C4BPA: variants seen among roughly 807,000 people sequenced by gnomAD.
C4BPA encodes the protein C4b-binding protein alpha chain.
C4BPA carries 31 observed loss-of-function variants against 63.7 expected under a neutral mutation model. That is an observed-to-expected ratio of 0.49 (90% confidence interval 0.37 to 0.66). The LOEUF (loss-of-function observed/expected upper bound fraction) is 0.66. Among genes scored for constraint, C4BPA ranks in the 30% least tolerant of loss-of-function variants. The pLI is 0.00. For synonymous variants in C4BPA, 259 were observed against 254.7 expected, an observed-to-expected ratio of 1.02 and a Z score of -0.16; for missense variants, 572 against 723.3, an observed-to-expected ratio of 0.79 and a Z score of 2.40.
intron 9 of C4BPA, among the ~76,000 whole-genome samples, chr1:207,134,932 G>A (rs1370023108): frequency 1.3e-5 from 2 of 152,164 alleles, no homozygotes; most frequent in Non-Finnish European, 1.5e-5. Context: ...TATTGAATCT[G>A]CCTTTCTGAA....
rs151275267 is a variant in C4BPA, at chr1:207,115,909, G to A, written c.428+394G>A. ...CTGCATAGAATGTTGTTGTGTAGTT[G>A]TGTCATGGCTTTGCCGTCCTTGTGA... On this transcript the variant is annotated intron_variant, in intron 4 of 11. Transcript: ENST00000367070. Among the ~76,000 whole-genome samples, 696 of 152,288 alleles carry A rather than the reference G, an allele frequency of 4.6e-3. 1 individual carries two copies. The highest frequency in any genetic ancestry group is 6.3e-3 in the Non-Finnish European group (426 of 68,016).
intron 6 of C4BPA, among the ~76,000 whole-genome samples, chr1:207,126,344 TAGA>T (rs1685044007): frequency 6.8e-6 from 1 of 148,010 alleles, no homozygotes; most frequent in Non-Finnish European, 1.5e-5. Flanking sequence ...GACTATATTA[TAGA>T]ATATATAAAA....
In C4BPA at chr1:207,114,266, G is replaced by A. The variant is rs1405510160; in HGVS notation, c.309G>A (p.Val103=). The change falls in exon 3 of 12, where the codon GTG becomes GTA. Residue 103 remains valine (V), a synonymous_variant. Transcript: ENST00000367070. The part of the protein sequence containing the change: ...TLTCNSDGEW[V]YNTFCIYKRC... ...CCTGTAATTCTGATGGCGAATGGGT[G>A]TATAACACCTTCTGTATCTGTAAGT... 4 of 1,611,290 alleles carry A rather than the reference G, an allele frequency of 2.5e-6. No individual in the cohort carries two copies. The highest frequency in any genetic ancestry group is 1.1e-5 in the South Asian group (1 of 90,874).
intron 9 of C4BPA, among the ~76,000 whole-genome samples, chr1:207,134,952 T>C (rs1300292801): frequency 6.6e-6 from 1 of 152,224 alleles, no homozygotes. Flanking sequence ...ACTTGTTTCC[T>C]TCTTCTTCCT....
In C4BPA at chr1:207,124,163, C is replaced by T. The variant is rs780712968; in HGVS notation, c.515-12C>T. Reference sequence around the variant, plus strand: ...CGCTGAGTATTTCTTTCTCTTCACTCACTTACCTCAGTTGTCAAGTGTAAG... The same window carrying T: ...CGCTGAGTATTTCTTTCTCTTCACTTACTTACCTCAGTTGTCAAGTGTAAG... On this transcript the variant is annotated splice_polypyrimidine_tract_variant and intron_variant, in intron 5 of 11. Transcript: ENST00000367070. 9 of 1,609,510 alleles carry T rather than the reference C, an allele frequency of 5.6e-6. No individual in the cohort carries two copies. In the South Asian group the frequency reaches 7.7e-5, roughly 14 times the overall value.
At position 207,114,128 on chromosome 1, in the gene C4BPA, A is replaced by T. The variant is rs1287023743; in HGVS notation, c.171A>T (p.Ser57=). 6.2e-7 allele frequency: 1 copy of T among 1,613,036 alleles called. No homozygotes were observed. The highest frequency in any genetic ancestry group is 8.5e-7 in the Non-Finnish European group (1 of 1,179,482). The part of the protein sequence containing the change: ...LGNCGPPPTL[S]FAAPMDITLT... ...ATTGTGGTCCTCCACCCACTTTATC[A>T]TTTGCTGCCCCGATGGATATTACGT... The change falls in exon 3 of 12, where the codon TCA becomes TCT. Residue 57 remains serine (S), a synonymous_variant. Transcript: ENST00000367070.
chr1:207,143,822 G>T lies in C4BPA; in HGVS notation c.1449G>T (p.Leu483=), dbSNP rs1269790772. 9 of 1,610,610 alleles carry T rather than the reference G, an allele frequency of 5.6e-6. No homozygotes were observed. Among genetic ancestry groups the T allele is most frequent in the Admixed American group, 1.7e-5 (1 of 59,974 alleles). Residue 483 remains leucine, a synonymous_variant, in exon 11 of 12, where the codon CTG becomes CTT. Coordinates refer to ENST00000367070, the MANE Select transcript of C4BPA (RefSeq NM_000715.4). ...WSAPAPQCKA[L]CRKPELVNGR... is the part of the protein sequence containing the mutation. Reference sequence around the variant, plus strand: ...AAAAATATGTTTCCATTACAGCTCTGTGTCGGAAACCAGAATTAGTGAATG... The same window carrying T: ...AAAAATATGTTTCCATTACAGCTCTTTGTCGGAAACCAGAATTAGTGAATG...
chr1:207,142,143 C>G (rs1360304513), intron 10 of C4BPA, among the ~76,000 whole-genome samples: 1,083 of 104,908 alleles, frequency 0.01, no homozygotes, highest in African/African-American at 0.011. Flanking sequence ...TTGTTCAACT[C>G]CCACTTATGA....
chr1:207,107,609 T>C (rs1218387341), intron 1 of C4BPA, among the ~76,000 whole-genome samples: 1 of 152,086 alleles, frequency 6.6e-6, no homozygotes, highest in African/African-American at 2.4e-5. Flanking sequence ...GACTGAAGCA[T>C]GGTGTTCTAA....
chr1:207,125,949 T>C (rs910513306), intron 6 of C4BPA, among the ~76,000 whole-genome samples: 2 of 151,930 alleles, frequency 1.3e-5, no homozygotes, highest in African/African-American at 4.8e-5. Context: ...GGGTGTGAGA[T>C]AGGGGGCGGC....
At chr1:207,127,128 C>A in intron 7 of C4BPA, 1 of 340,012 alleles carries the variant, frequency 2.9e-6, no homozygotes, top group East Asian at 4.4e-5. Flanking sequence ...TGTGCACATT[C>A]CAACCTTAAA....
At chr1:207,107,852 A>G (rs1684590367) in intron 1 of C4BPA, among the ~76,000 whole-genome samples, 1 of 152,140 alleles carries the variant, frequency 6.6e-6, no homozygotes, top group Non-Finnish European at 1.5e-5. Flanking sequence ...AGAGAGTGGC[A>G]GATTCTGGTG....
In C4BPA at chr1:207,114,009, G is replaced by A. The variant is rs531775828; in HGVS notation, c.143-91G>A. On this transcript the variant is annotated intron_variant, in intron 2 of 11. Transcript: ENST00000367070. Reference sequence around the variant, plus strand: ...ACTAGAGATCATTCTTGAAAAGAACGATCCCTGCTCTAAACATCACACTTC... The same window carrying A: ...ACTAGAGATCATTCTTGAAAAGAACAATCCCTGCTCTAAACATCACACTTC... 4.8e-4 allele frequency: 522 copies of A among 1,087,632 alleles called. 6 individuals carry two copies. The South Asian group carries it at 6.5e-3, about 14-fold the overall frequency. The allele number at this position is 1,087,632 out of a possible 1,614,324, so 67.4% of individuals were successfully genotyped here.
intron 4 of C4BPA, 63 bp downstream of exon 4, chr1:207,115,578 CG>C: frequency 1.1e-6 from 1 of 890,924 alleles, no homozygotes. Flanking sequence ...CTGAAGTGTT[CG>C]TATATTTCAA....
intron 7 of C4BPA, among the ~76,000 whole-genome samples, chr1:207,128,728 A>G (rs1429585446): frequency 6.6e-6 from 1 of 152,248 alleles, no homozygotes; most frequent in Non-Finnish European, 1.5e-5. Context: ...TGAAGGAAAC[A>G]GACTTAACTG....
At chr1:207,121,219 C>A (rs1264702138) in intron 4 of C4BPA, among the ~76,000 whole-genome samples, 1 of 152,098 alleles carries the variant, frequency 6.6e-6, no homozygotes, top group Middle Eastern at 3.4e-3. Context: ...ATTATTTTAA[C>A]CATTATAAAA....
At position 207,134,612 on chromosome 1, in the gene C4BPA, T is replaced by C; in HGVS notation, c.1273+20T>C. On this transcript the variant is annotated intron_variant, in intron 9 of 11. Transcript: ENST00000367070. ...GAGACAGTAAGAGTTCATAGAATTA[T>C]CTTATTCTGGGAGTTTCTTCATATC... 3 of 1,562,850 alleles carry C rather than the reference T, an allele frequency of 1.9e-6. No homozygotes were observed. The highest frequency in any genetic ancestry group is 2.6e-6 in the Non-Finnish European group (3 of 1,144,202).
chr1:207,122,914 T>C (rs1418766171), intron 4 of C4BPA, among the ~76,000 whole-genome samples: 1 of 152,234 alleles, frequency 6.6e-6, no homozygotes, highest in Non-Finnish European at 1.5e-5. Context: ...CTACTTGGAT[T>C]CCTTCTTTAG....
In C4BPA at chr1:207,141,314, G is replaced by C. The variant is rs371271017; in HGVS notation, c.1444+38G>C. The C allele has an allele frequency of 3.2e-6, 5 of 1,567,618 alleles. No individual in the cohort carries two copies. In the Admixed American group the frequency reaches 7.0e-5, roughly 22 times the overall value. The stretch of plus-strand genomic sequence containing the variant: ...TCCTTTTCAGCTCAAGATTAAGTGG[G>C]TGGACGTGTCCTGAGAGCACTGAGA... On this transcript the variant is annotated intron_variant, in intron 10 of 11. Coordinates refer to ENST00000367070, the MANE Select transcript of C4BPA (RefSeq NM_000715.4).
Sources: gnomAD v4.1 joint callset for allele counts (sites outside exome capture counted in the v4.1 genomes callset) on GRCh38, gnomAD v4.1.1 for gene constraint, MANE v1.5 for transcripts, NCBI Gene and HGNC (gene_info 2026-07-23, HGNC 2026-07-21) for gene names.